RAB30: variants seen among roughly 807,000 people sequenced by gnomAD.
RAB30 encodes the protein RAB30, member RAS oncogene family, also known as ras-related protein Rab-30.
In RAB30, 9 loss-of-function variants were observed where a neutral mutation model predicts 25.1. The observed-to-expected ratio is 0.36, with a 90% confidence interval of 0.22 to 0.63. The LOEUF (loss-of-function observed/expected upper bound fraction) is 0.63, where lower values mean the gene tolerates loss of function less well. Among genes scored for constraint, RAB30 ranks in the 20% least tolerant of loss-of-function variants. RAB30 has a pLI of 0.69. For missense variants in RAB30, 140 were observed against 243.5 expected, an observed-to-expected ratio of 0.58 and a Z score of 2.83; for synonymous variants, 77 against 86.4, an observed-to-expected ratio of 0.89 and a Z score of 0.60.
intron 1 of RAB30, among the ~76,000 whole-genome samples, chr11:83,055,335 A>T (rs1227370240): frequency 6.6e-6 from 1 of 152,250 alleles, no homozygotes; most frequent in African/African-American, 2.4e-5. Flanking sequence ...CTCTGACCAC[A>T]GCAAAGATGG....
At chr11:83,043,701 G>A (rs988694155) in intron 1 of RAB30, among the ~76,000 whole-genome samples, 1 of 151,930 alleles carries the variant, frequency 6.6e-6, no homozygotes, top group African/African-American at 2.4e-5. Flanking sequence ...GTTAGCAATT[G>A]GTAAACCTAA....
At chr11:83,047,332 C>T (rs1267122270) in intron 1 of RAB30, among the ~76,000 whole-genome samples, 1 of 152,186 alleles carries the variant, frequency 6.6e-6, no homozygotes, top group African/African-American at 2.4e-5. Context: ...CCTGAACAAA[C>T]CCCTTGGGCA....
At chr11:83,010,580 T>C (rs886126984) in intron 1 of RAB30, among the ~76,000 whole-genome samples, 6 of 152,234 alleles carry the variant, frequency 3.9e-5, no homozygotes, top group African/African-American at 1.2e-4. Context: ...TATTAAAATA[T>C]CTTAGGGGCT....
chr11:83,069,587 G>A (rs1858785384), intron 1 of RAB30, among the ~76,000 whole-genome samples: 1 of 152,092 alleles, frequency 6.6e-6, no homozygotes, highest in Admixed American at 6.6e-5. Flanking sequence ...AAGAAAGAGG[G>A]GGGAAAGATC....
At chr11:82,997,720 C>T (rs1856987960) in intron 1 of RAB30, among the ~76,000 whole-genome samples, 1 of 152,052 alleles carries the variant, frequency 6.6e-6, no homozygotes, top group Non-Finnish European at 1.5e-5. Context: ...GCTTAAAGGA[C>T]GTTTATGGAA....
intron 1 of RAB30, 177 bp downstream of exon 1, chr11:83,071,514 G>A (rs1194042212): frequency 6.6e-6 from 1 of 152,108 alleles, no homozygotes; most frequent in Non-Finnish European, 1.5e-5. Context: ...AAGGTTGCTG[G>A]AGTTGTTCTT....
At chr11:82,991,880 T>C (rs551412504) in intron 3 of RAB30, among the ~76,000 whole-genome samples, 1 of 152,318 alleles carries the variant, frequency 6.6e-6, no homozygotes, top group South Asian at 2.1e-4. Flanking sequence ...ATATCAATTT[T>C]TGCAGTGTAA....
At chr11:82,986,497 G>T (rs1590834200) in intron 4 of RAB30, among the ~76,000 whole-genome samples, 1 of 152,184 alleles carries the variant, frequency 6.6e-6, no homozygotes, top group Non-Finnish European at 1.5e-5. Context: ...AAAACAGAAG[G>T]TACAAATGCA....
At chr11:82,997,868 T>C (rs1856991338) in intron 1 of RAB30, among the ~76,000 whole-genome samples, 1 of 152,168 alleles carries the variant, frequency 6.6e-6, no homozygotes, top group South Asian at 2.1e-4. Context: ...CTTTCCCCTC[T>C]ATCTCCTATA....
intron 1 of RAB30, among the ~76,000 whole-genome samples, chr11:83,063,564 T>C (rs4944423): frequency 0.57 from 87,170 of 152,048 alleles, 25,567 homozygotes; most frequent in African/African-American, 0.72. Context: ...ACACATCAAC[T>C]TTTATTACCA....
At position 82,994,213 on chromosome 11, in the gene RAB30, G is replaced by A. The variant is rs1856914589; in HGVS notation, c.94-91C>T. 2.2e-5 allele frequency: 24 copies of A among 1,107,834 alleles called. No individual in the cohort carries two copies. In the South Asian group the frequency reaches 3.2e-4, roughly 15 times the overall value. The allele number at this position is 1,107,834 out of a possible 1,614,324, so 68.6% of individuals were successfully genotyped here. On this transcript the variant is annotated intron_variant, in intron 2 of 4. Transcript: ENST00000527633. Reference sequence around the variant, plus strand: ...TCCCCCAGCAACACCCATCACCGGAGTCCTTCCTTCAGCTGAGGTGACTGG... The same window carrying A: ...TCCCCCAGCAACACCCATCACCGGAATCCTTCCTTCAGCTGAGGTGACTGG...
chr11:83,064,886 C>CT (rs542098917), intron 1 of RAB30, among the ~76,000 whole-genome samples: 13 of 149,078 alleles, frequency 8.7e-5, no homozygotes, highest in African/African-American at 2.5e-4. Context: ...TCTTTTGTAG[C>CT]TTTTTTTTTT....
At chr11:83,059,501 A>C (rs924640899) in intron 1 of RAB30, among the ~76,000 whole-genome samples, 9 of 152,226 alleles carry the variant, frequency 5.9e-5, no homozygotes, top group Non-Finnish European at 1.3e-4. Flanking sequence ...AGCAACAATG[A>C]TGCAAGGATT....
At chr11:83,027,764 C>A (rs1402358168) in intron 1 of RAB30, among the ~76,000 whole-genome samples, 3 of 152,128 alleles carry the variant, frequency 2.0e-5, no homozygotes, top group African/African-American at 4.8e-5. Flanking sequence ...ATTTTCCATT[C>A]CCCCAATGAA....
At chr11:83,030,909 T>C (rs1418588058) in intron 1 of RAB30, among the ~76,000 whole-genome samples, 1 of 152,218 alleles carries the variant, frequency 6.6e-6, no homozygotes, top group East Asian at 1.9e-4. Context: ...GTTCATGTAT[T>C]TGGAGATAGA....
intron 1 of RAB30, among the ~76,000 whole-genome samples, chr11:83,019,440 G>C (rs945021085): frequency 1.3e-5 from 2 of 152,206 alleles, no homozygotes; most frequent in African/African-American, 4.8e-5. Context: ...ATCTCAGGAA[G>C]CAAGTGGCTA....
Position 82,979,549 on chromosome 11 carries a change from A to G in RAB30, c.*2616T>C, listed in dbSNP as rs1001061081. On this transcript the variant is annotated 3_prime_UTR_variant, in exon 5 of 5. Coordinates refer to ENST00000527633, the MANE Select transcript of RAB30 (RefSeq NM_001286060.2). ...TATTTAGTGTCCTTTCTCAAGTTCT[A>G]CTTGAAGGAATTTCTGTTTAATCAA... 2.0e-5 allele frequency: 3 copies of G among 152,100 alleles called. No homozygotes were observed. Among genetic ancestry groups the G allele is most frequent in the Admixed American group, 1.3e-4 (2 of 15,260 alleles). 9.4% of individuals were successfully genotyped at this position (152,100 alleles called of 1,614,324 possible). A position where few individuals can be genotyped will look rare whatever the true frequency, so the allele number is the denominator to read the frequency against.
At chr11:83,070,766 T>C (rs1278300657) in intron 1 of RAB30, among the ~76,000 whole-genome samples, 1 of 152,236 alleles carries the variant, frequency 6.6e-6, no homozygotes, top group African/African-American at 2.4e-5. Flanking sequence ...CACTCTTCCA[T>C]GGGCACCTTT....
Position 82,973,937 on chromosome 11 carries a change from A to C in RAB30, c.*8228T>G, listed in dbSNP as rs995909793. 6.6e-5 allele frequency: 10 copies of C among 152,222 alleles called. No homozygotes were observed. The highest frequency in any genetic ancestry group is 2.6e-4 in the Admixed American group (4 of 15,276). The allele number at this position is 152,222 out of a possible 1,614,324, so 9.4% of individuals were successfully genotyped here. A position where few individuals can be genotyped will look rare whatever the true frequency, so the allele number is the denominator to read the frequency against. The stretch of plus-strand genomic sequence containing the variant: ...TATTATTTAAACATGAAAACAATGT[A>C]CTGATTTATGCTACAACATGGATGA... On this transcript the variant is annotated 3_prime_UTR_variant, in exon 5 of 5. Coordinates refer to ENST00000527633, the MANE Select transcript of RAB30 (RefSeq NM_001286060.2).
Sources: gnomAD v4.1 joint callset for allele counts (sites outside exome capture counted in the v4.1 genomes callset) on GRCh38, gnomAD v4.1.1 for gene constraint, MANE v1.5 for transcripts, NCBI Gene and HGNC (gene_info 2026-07-23, HGNC 2026-07-21) for gene names.